The following FER variants were observed in gnomAD, a reference collection of about 807,000 sequenced individuals.
FER encodes the protein tyrosine-protein kinase Fer.
Under a neutral mutation model 111.0 loss-of-function variants are expected in FER, and 63 were observed. That is an observed-to-expected ratio of 0.57 (90% CI 0.46 to 0.70). The LOEUF is 0.70. Among genes scored for constraint, FER ranks in the 30% least tolerant of loss-of-function variants. The pLI, the probability that FER is intolerant of heterozygous loss-of-function variation, is 0.00. For missense variants in FER, 914 were observed against 954.0 expected, an observed-to-expected ratio of 0.96 and a Z score of 0.55; for synonymous variants, 327 against 313.9, an observed-to-expected ratio of 1.04 and a Z score of -0.44.
intron 13 of FER, among the ~76,000 whole-genome samples, chr5:108,999,130 T>G (rs1764382009): frequency 6.6e-6 from 1 of 152,202 alleles, no homozygotes; most frequent in African/African-American, 2.4e-5. Flanking sequence ...CCTTCCTTGA[T>G]TCTATGTTTT....
At chr5:108,990,753 G>A (rs928172827) in intron 13 of FER, among the ~76,000 whole-genome samples, 1 of 151,628 alleles carries the variant, frequency 6.6e-6, no homozygotes, top group African/African-American at 2.4e-5. Flanking sequence ...CAGTGAAATA[G>A]ATGAGTCATC....
chr5:108,793,004 C>A (rs1755553983), intron 2 of FER, among the ~76,000 whole-genome samples: 2 of 152,080 alleles, frequency 1.3e-5, no homozygotes, highest in South Asian at 4.2e-4. Flanking sequence ...AAGCATTTAT[C>A]CTTTGTGTCA....
chr5:108,985,272 T>A (rs1762436660), intron 13 of FER, among the ~76,000 whole-genome samples: 1 of 152,144 alleles, frequency 6.6e-6, no homozygotes, highest in Non-Finnish European at 1.5e-5. Context: ...TTGAAACATT[T>A]TTAGCAAAAT....
intron 1 of FER, among the ~76,000 whole-genome samples, chr5:108,749,591 T>C (rs995233446): frequency 7.9e-5 from 12 of 152,138 alleles, no homozygotes; most frequent in Non-Finnish European, 1.3e-4. Context: ...CCTCCCCAGC[T>C]CTCCTCCTAT....
chr5:108,889,247 A>T (rs1747647008), intron 9 of FER, among the ~76,000 whole-genome samples: 1 of 151,874 alleles, frequency 6.6e-6, no homozygotes, highest in Admixed American at 6.6e-5. Flanking sequence ...TCTCCAAGAG[A>T]TATTTACACT....
At chr5:109,120,433 C>G (rs1231313289) in intron 17 of FER, among the ~76,000 whole-genome samples, 1 of 151,976 alleles carries the variant, frequency 6.6e-6, no homozygotes, top group East Asian at 1.9e-4. Context: ...TTTCTATGTT[C>G]TCTATTTTGT....
intron 6 of FER, among the ~76,000 whole-genome samples, chr5:108,868,779 C>A (rs1764324087): frequency 6.6e-6 from 1 of 152,012 alleles, no homozygotes; most frequent in Non-Finnish European, 1.5e-5. Flanking sequence ...GAACTTGGAC[C>A]AGTTTAATGC....
chr5:108,798,264 G>A lies in FER; in HGVS notation c.82G>A (p.Val28Ile). Residue 28 changes from valine (V) to isoleucine (I), a missense_variant, in exon 3 of 20, where the codon GTA becomes ATA. Physicochemically the swap from Val to Ile is conservative, Grantham distance 29. Transcript: ENST00000281092. ...QDWELRLLET[V>I]KKFMALRIKS... ...CTGGGAATTACGGTTACTGGAAACA[G>A]TAAAGAAATTTATGGCCCTGAGAAT... The A allele has an allele frequency of 6.2e-7, 1 of 1,614,028 alleles. No homozygotes were observed. Among genetic ancestry groups the A allele is most frequent in the East Asian group, 2.2e-5 (1 of 44,872 alleles).
chr5:108,903,442 A>G (rs1750319959), intron 10 of FER, among the ~76,000 whole-genome samples: 1 of 152,158 alleles, frequency 6.6e-6, no homozygotes. Flanking sequence ...AGGCCCGTGG[A>G]TCACTTGAGG....
At chr5:108,901,194 C>T (rs1749963846) in intron 10 of FER, among the ~76,000 whole-genome samples, 1 of 151,524 alleles carries the variant, frequency 6.6e-6, no homozygotes. Context: ...TCTGCTAGCA[C>T]CTTGATCTTG....
At chr5:108,820,017 G>A (rs991176354) in intron 3 of FER, 19 of 985,136 alleles carry the variant, frequency 1.9e-5, no homozygotes, top group African/African-American at 3.5e-5. Context: ...ATAACAGAAC[G>A]GCTTGTCTAG....
chr5:108,966,430 C>T (rs1759845477), intron 13 of FER, among the ~76,000 whole-genome samples: 1 of 136,488 alleles, frequency 7.3e-6, no homozygotes. Flanking sequence ...CTCTTTTGCT[C>T]AGGCTGGAGT....
chr5:109,021,873 G>A (rs1445198468), intron 13 of FER, among the ~76,000 whole-genome samples: 2 of 151,986 alleles, frequency 1.3e-5, no homozygotes, highest in South Asian at 4.1e-4. Context: ...AATACCTACC[G>A]CATGTTAAGC....
chr5:108,844,223 C>A (rs1351079457), intron 5 of FER, among the ~76,000 whole-genome samples: 1 of 145,784 alleles, frequency 6.9e-6, no homozygotes, highest in African/African-American at 2.6e-5. Flanking sequence ...ATTGTAACAT[C>A]ATAACATTTC....
At chr5:109,145,243 A>G (rs1318771535) in intron 17 of FER, among the ~76,000 whole-genome samples, 1 of 152,018 alleles carries the variant, frequency 6.6e-6, no homozygotes, top group Non-Finnish European at 1.5e-5. Context: ...CCTGAAGAAC[A>G]AGGGACTCTC....
At chr5:109,003,533 G>A (rs931981825) in intron 13 of FER, among the ~76,000 whole-genome samples, 2 of 152,084 alleles carry the variant, frequency 1.3e-5, no homozygotes, top group Non-Finnish European at 2.9e-5. Flanking sequence ...GAGTTTATGA[G>A]TGCAGCACAC....
chr5:108,864,673 T>G (rs903360868), intron 5 of FER, among the ~76,000 whole-genome samples: 1 of 152,214 alleles, frequency 6.6e-6, no homozygotes, highest in Non-Finnish European at 1.5e-5. Flanking sequence ...GTTGTAGATA[T>G]GCGGCATTAT....
intron 5 of FER, among the ~76,000 whole-genome samples, chr5:108,864,819 T>G (rs1763870152): frequency 6.6e-6 from 1 of 152,176 alleles, no homozygotes; most frequent in Non-Finnish European, 1.5e-5. Context: ...TCTTTTGGCT[T>G]AGGGTTGACT....
At chr5:109,139,214 T>C (rs1266330617) in intron 17 of FER, among the ~76,000 whole-genome samples, 2 of 152,042 alleles carry the variant, frequency 1.3e-5, no homozygotes, top group Non-Finnish European at 2.9e-5. Flanking sequence ...TTTAATATTG[T>C]CTATCAAAAT....
Sources: allele counts gnomAD v4.1 joint callset (sites outside exome capture counted in the v4.1 genomes callset), GRCh38; gene constraint gnomAD v4.1.1; transcripts MANE v1.5; gene names NCBI Gene and HGNC (gene_info 2026-07-23, HGNC 2026-07-21).